B3GAT1: variants seen among roughly 807,000 people sequenced by gnomAD.
The protein encoded by B3GAT1 is galactosylgalactosylxylosylprotein 3-beta-glucuronosyltransferase 1.
Under a neutral mutation model 28.4 loss-of-function variants are expected in B3GAT1, and 11 were observed. The ratio of observed to expected loss-of-function variants is 0.39; its 90% confidence interval spans 0.24 to 0.64. The LOEUF is 0.64. Among genes scored for constraint, B3GAT1 ranks in the 30% least tolerant of loss-of-function variants. The pLI, the probability that B3GAT1 is intolerant of heterozygous loss-of-function variation, is 0.50. For synonymous variants in B3GAT1, 255 were observed against 223.1 expected (o/e 1.14, Z -1.27); for missense variants, 375 against 491.0 (o/e 0.76, Z 2.23).
At chr11:134,397,065 G>A (rs576001156) in intron 1 of B3GAT1, among the ~76,000 whole-genome samples, 2 of 152,226 alleles carry the variant, frequency 1.3e-5, no homozygotes, top group South Asian at 4.2e-4. Context: ...TTTCTGTCAT[G>A]GTCCCGGCAT....
intron 1 of B3GAT1, among the ~76,000 whole-genome samples, chr11:134,398,498 G>A (rs1012406467): frequency 1.3e-5 from 2 of 150,864 alleles, no homozygotes; most frequent in South Asian, 2.1e-4. Context: ...CAAAAGGACT[G>A]CACGTTGGTT....
chr11:134,385,213 C>T (rs1944247715), intron 2 of B3GAT1: 1 of 152,324 alleles, frequency 6.6e-6, no homozygotes, highest in Non-Finnish European at 1.5e-5. Flanking sequence ...TGCGGAAGGG[C>T]AGTGGCCAAC....
At position 134,380,320 on chromosome 11, in the gene B3GAT1, C is replaced by G. The variant is rs186149843; in HGVS notation, c.*442G>C. 6.6e-6 allele frequency: 1 copy of G among 152,328 alleles called. No homozygotes were observed. Among genetic ancestry groups the G allele is most frequent in the Non-Finnish European group, 1.5e-5 (1 of 68,150 alleles). 9.4% of individuals were successfully genotyped at this position (152,328 alleles called of 1,614,324 possible). A position where few individuals can be genotyped will look rare whatever the true frequency, so the allele number is the denominator to read the frequency against. ...TCCCTGGCTGGGTGTCCTGTGTGGT[C>G]GTGCTGAGCCCAGGGACAGGGAGCC... is the stretch of plus-strand genomic sequence containing the variant. On this transcript the variant is annotated 3_prime_UTR_variant, in exon 6 of 6. Transcript: ENST00000312527.
intron 1 of B3GAT1, among the ~76,000 whole-genome samples, chr11:134,396,527 G>A (rs953291767): frequency 2.0e-5 from 3 of 152,150 alleles, no homozygotes; most frequent in South Asian, 2.1e-4. Context: ...CCTCTGCTAC[G>A]GGATTCTGGT....
At chr11:134,388,766 C>G (rs958463240) in intron 1 of B3GAT1, 1 of 152,222 alleles carries the variant, frequency 6.6e-6, no homozygotes, top group African/African-American at 2.4e-5. Flanking sequence ...TGCATCCAGG[C>G]TGCTGCAAAG....
rs1483294764 is a variant in B3GAT1 at position 134,381,884 on chromosome 11, G to A, written c.*14+40C>T. On this transcript the variant is annotated intron_variant, in intron 5 of 5. Transcript: ENST00000312527. ...AGTTGATTCGGCCCAACCTGGTGCCGCCCTGCCCAGTGTGTGGCCCACCCT... is the reference window on the plus strand; with the variant it reads ...AGTTGATTCGGCCCAACCTGGTGCCACCCTGCCCAGTGTGTGGCCCACCCT... 6.6e-6 allele frequency: 10 copies of A among 1,524,586 alleles called. No individual in the cohort carries two copies. In the African/African-American group the frequency reaches 6.8e-5, roughly 10 times the overall value. 94.4% of individuals were successfully genotyped at this position (1,524,586 alleles called of 1,614,324 possible). A position where few individuals can be genotyped will look rare whatever the true frequency, so the allele number is the denominator to read the frequency against.
At chr11:134,396,116 A>G (rs1272621768) in intron 1 of B3GAT1, among the ~76,000 whole-genome samples, 1 of 152,226 alleles carries the variant, frequency 6.6e-6, no homozygotes, top group Admixed American at 6.5e-5. Context: ...AGCAGATGGA[A>G]TCTTACAGAG....
chr11:134,396,038 A>G (rs1413458814), intron 1 of B3GAT1, among the ~76,000 whole-genome samples: 2 of 151,942 alleles, frequency 1.3e-5, no homozygotes, highest in African/African-American at 2.4e-5. Context: ...TCCTTGCCAC[A>G]TCGGTTTCTC....
intron 1 of B3GAT1, chr11:134,392,260 ATGGAACTGAGTCCTGACTTAAGGGCCCG>A (rs1400819043): frequency 4.6e-4 from 69 of 150,948 alleles, no homozygotes; most frequent in African/African-American, 1.5e-3. Context: ...GCCAGCACCC[ATGGAACTGAGTCCTGACTTAAGGGCCCG>A]TGGAACTGAG....
chr11:134,378,674 G>A lies in B3GAT1; in HGVS notation c.*2088C>T, dbSNP rs911326060. 3.3e-5 allele frequency: 5 copies of A among 152,252 alleles called. No individual in the cohort carries two copies. Among genetic ancestry groups the A allele is most frequent in the Non-Finnish European group, 7.3e-5 (5 of 68,058 alleles). 9.4% of individuals were successfully genotyped at this position (152,252 alleles called of 1,614,324 possible). On this transcript the variant is annotated 3_prime_UTR_variant, in exon 6 of 6. Coordinates refer to ENST00000312527, the MANE Select transcript of B3GAT1 (RefSeq NM_054025.3). ...TGTGTGGTGGGGCTTGCCAGCGAGG[G>A]AGCAGGGAACAGACTGGGTTTGGAA...
chr11:134,387,765 TG>T lies in B3GAT1; in HGVS notation c.-107del. ...AGCACAGGGGAGAAAAGAACAGGCA[TG>T]GGCCGGGCCGGCCAGGCATGGAGAG... On this transcript the variant is annotated 5_prime_UTR_variant, in exon 2 of 6. It removes the in-frame stop codon of an upstream open reading frame in the 5' UTR. Transcript: ENST00000312527. The T allele has an allele frequency of 1.3e-6, 2 of 1,556,854 alleles. No homozygotes were observed. The highest frequency in any genetic ancestry group is 1.7e-6 in the Non-Finnish European group (2 of 1,153,186).
chr11:134,387,764 A>G lies in B3GAT1; in HGVS notation c.-105T>C. On this transcript the variant is annotated 5_prime_UTR_variant, in exon 2 of 6. An upstream start codon of the reference 5' UTR is lost. Transcript: ENST00000312527. The stretch of plus-strand genomic sequence containing the variant: ...CAGCACAGGGGAGAAAAGAACAGGC[A>G]TGGGCCGGGCCGGCCAGGCATGGAG... 1 of 1,557,744 alleles carries G rather than the reference A, an allele frequency of 6.4e-7. No individual in the cohort carries two copies. Among genetic ancestry groups the G allele is most frequent in the East Asian group, 2.4e-5 (1 of 41,668 alleles).
intron 1 of B3GAT1, among the ~76,000 whole-genome samples, chr11:134,406,250 A>G (rs1161315019): frequency 6.6e-6 from 1 of 152,232 alleles, no homozygotes; most frequent in Non-Finnish European, 1.5e-5. Context: ...CCTGCTCGAC[A>G]TGGTGCTGGC....
chr11:134,391,833 C>T (rs1259640448), intron 1 of B3GAT1: 2 of 152,344 alleles, frequency 1.3e-5, no homozygotes, highest in African/African-American at 2.4e-5. Context: ...AGGCTGTGCC[C>T]TGCCCTCCCC....
intron 3 of B3GAT1, among the ~76,000 whole-genome samples, 175 bp downstream of exon 3, chr11:134,383,504 GA>G (rs1348132322): frequency 6.6e-6 from 1 of 152,210 alleles, no homozygotes; most frequent in African/African-American, 2.4e-5. Flanking sequence ...ACTTGTGGGG[GA>G]TGCTTTAGCC....
intron 1 of B3GAT1, among the ~76,000 whole-genome samples, chr11:134,410,126 T>C (rs997834721): frequency 6.6e-6 from 1 of 152,238 alleles, no homozygotes; most frequent in Non-Finnish European, 1.5e-5. Flanking sequence ...CCCCAGGGCA[T>C]CCTCCTGTGA....
At chr11:134,396,526 C>T (rs547104822) in intron 1 of B3GAT1, among the ~76,000 whole-genome samples, 14 of 152,288 alleles carry the variant, frequency 9.2e-5, no homozygotes, top group African/African-American at 2.6e-4. Context: ...GCCTCTGCTA[C>T]GGGATTCTGG....
chr11:134,399,001 G>A (rs552947194), intron 1 of B3GAT1, among the ~76,000 whole-genome samples: 1 of 152,292 alleles, frequency 6.6e-6, no homozygotes, highest in African/African-American at 2.4e-5. Context: ...TCTCCAACCA[G>A]AGCCCACTGC....
At chr11:134,384,977 G>A (rs1361400456) in intron 2 of B3GAT1, 1 of 152,152 alleles carries the variant, frequency 6.6e-6, no homozygotes, top group Non-Finnish European at 1.5e-5. Flanking sequence ...TCCTGTCCTA[G>A]CTTACCGTCG....
Sources: allele counts gnomAD v4.1 joint callset (sites outside exome capture counted in the v4.1 genomes callset), GRCh38; gene constraint gnomAD v4.1.1; transcripts MANE v1.5; gene names NCBI Gene and HGNC (gene_info 2026-07-23, HGNC 2026-07-21).